TCF4: variants seen among roughly 807,000 people sequenced by gnomAD.
The protein encoded by TCF4 is SL3-3 enhancer factor 2.
A neutral mutation model predicts 82.1 loss-of-function variants in TCF4; 3 were observed. The ratio of observed to expected loss-of-function variants is 0.04; its 90% CI spans 0.02 to 0.09. The LOEUF (loss-of-function observed/expected upper bound fraction) is 0.09, where lower values mean the gene tolerates loss of function less well. Among genes scored for constraint, TCF4 ranks in the 10% least tolerant of loss-of-function variants. The pLI, the probability that TCF4 is intolerant of heterozygous loss-of-function variation, is 1.00. For synonymous variants in TCF4, 276 were observed against 309.6 expected (o/e 0.89, Z 1.14); for missense variants, 518 against 852.7 (o/e 0.61, Z 4.89).
chr18:55,537,226 T>C (rs1486437278), intron 3 of TCF4, among the ~76,000 whole-genome samples: 1 of 151,104 alleles, frequency 6.6e-6, no homozygotes. Flanking sequence ...TTGCAAAAAC[T>C]AAAAACAAGC....
At chr18:55,626,889 C>T (rs1224904603) in intron 2 of TCF4, among the ~76,000 whole-genome samples, 1 of 152,162 alleles carries the variant, frequency 6.6e-6, no homozygotes, top group Non-Finnish European at 1.5e-5. Flanking sequence ...GGGAGAAGCA[C>T]AAATTGTGTA....
chr18:55,497,857 G>GTTT (rs2096654376), intron 3 of TCF4, among the ~76,000 whole-genome samples: 1 of 151,722 alleles, frequency 6.6e-6, no homozygotes, highest in East Asian at 1.9e-4. Flanking sequence ...AAATTGGAAG[G>GTTT]GGAAAAAAAA....
exon 1 of TCF4, chr18:55,635,810 C>G: frequency 2.6e-6 from 4 of 1,554,926 alleles, no homozygotes; most frequent in Non-Finnish European, 3.5e-6. Flanking sequence ...ACTGCACCCT[C>G]CATCTTTGAG....
intron 3 of TCF4, among the ~76,000 whole-genome samples, chr18:55,544,809 C>T (rs187429237): frequency 6.6e-6 from 1 of 152,206 alleles, no homozygotes; most frequent in African/African-American, 2.4e-5. Flanking sequence ...TACGAGTTAA[C>T]TCAAAAGACT....
chr18:55,401,004 G>A (rs774979825), intron 6 of TCF4: 2 of 1,289,102 alleles, frequency 1.6e-6, no homozygotes, highest in Admixed American at 2.3e-5. Flanking sequence ...CACTCACCTT[G>A]TCACACAGTG....
At chr18:55,229,940 T>A (rs973000176) in intron 17 of TCF4, 5 of 152,170 alleles carry the variant, frequency 3.3e-5, no homozygotes, top group African/African-American at 4.8e-5. Flanking sequence ...CTCATGCCTA[T>A]AACCCCAGCC....
chr18:55,538,705 A>T (rs1002504772), intron 3 of TCF4, among the ~76,000 whole-genome samples: 1 of 152,190 alleles, frequency 6.6e-6, no homozygotes, highest in Non-Finnish European at 1.5e-5. Context: ...GCAATGTTAG[A>T]CGTATCTTAG....
intron 3 of TCF4, among the ~76,000 whole-genome samples, chr18:55,571,595 A>G (rs1385986607): frequency 6.6e-6 from 1 of 152,212 alleles, no homozygotes; most frequent in East Asian, 1.9e-4. Context: ...ATAAGATAAA[A>G]TATGTTTTCT....
At chr18:55,587,700 G>A (rs547032952) in intron 1 of TCF4, among the ~76,000 whole-genome samples, 53 of 152,022 alleles carry the variant, frequency 3.5e-4, no homozygotes, top group African/African-American at 1.2e-3. Flanking sequence ...TCCAAAGGGG[G>A]AGGGGTGGGG....
chr18:55,234,353 GA>G, intron 16 of TCF4, 194 bp downstream of exon 16: 1 of 729,340 alleles, frequency 1.4e-6, no homozygotes, highest in Non-Finnish European at 2.2e-6. Flanking sequence ...GATGTTTGAG[GA>G]AAACAGTCCC....
intron 8 of TCF4, chr18:55,321,565 C>T (rs1226437857): frequency 4.1e-6 from 6 of 1,471,512 alleles, no homozygotes; most frequent in Non-Finnish European, 5.5e-6. Context: ...CAGGAAGGTG[C>T]GGCAGTCCTG....
intron 6 of TCF4, among the ~76,000 whole-genome samples, chr18:55,396,374 T>C (rs1268310155): frequency 6.6e-6 from 1 of 152,198 alleles, no homozygotes; most frequent in Non-Finnish European, 1.5e-5. Context: ...TCAGGCTTCC[T>C]TTAGATTAAG....
intron 5 of TCF4, among the ~76,000 whole-genome samples, chr18:55,450,698 T>C (rs573981074): frequency 5.3e-5 from 8 of 152,152 alleles, no homozygotes; most frequent in Non-Finnish European, 1.0e-4. Context: ...CAAGCATCTG[T>C]GGAGAAGAAA....
intron 3 of TCF4, among the ~76,000 whole-genome samples, chr18:55,536,380 C>A (rs557780885): frequency 1.3e-5 from 2 of 152,208 alleles, no homozygotes; most frequent in South Asian, 2.1e-4. Flanking sequence ...CCTCTTTAAA[C>A]CTCTTTCAGC....
At chr18:55,356,001 T>C (rs549977325) in intron 6 of TCF4, among the ~76,000 whole-genome samples, 1 of 152,230 alleles carries the variant, frequency 6.6e-6, no homozygotes, top group Admixed American at 6.5e-5. Context: ...GGGGGTGAGT[T>C]ATGCAACTGC....
intron 15 of TCF4, among the ~76,000 whole-genome samples, chr18:55,250,068 T>C (rs2054552175): frequency 2.6e-5 from 4 of 152,186 alleles, no homozygotes; most frequent in African/African-American, 9.7e-5. Flanking sequence ...AGTTTCTAAC[T>C]AGGGTAGTGA....
chr18:55,291,023 T>C (rs1345964559), intron 8 of TCF4, among the ~76,000 whole-genome samples: 2 of 152,200 alleles, frequency 1.3e-5, no homozygotes, highest in East Asian at 3.8e-4. Flanking sequence ...ACTTTTCTCA[T>C]CCATTATCTT....
At chr18:55,626,993 G>C (rs1037008741) in intron 2 of TCF4, among the ~76,000 whole-genome samples, 1 of 152,088 alleles carries the variant, frequency 6.6e-6, no homozygotes, top group Non-Finnish European at 1.5e-5. Flanking sequence ...AAAATATACT[G>C]ACCCTTTCTT....
At chr18:55,605,514 C>G (rs2097701436) in intron 2 of TCF4, among the ~76,000 whole-genome samples, 1 of 152,138 alleles carries the variant, frequency 6.6e-6, no homozygotes, top group Non-Finnish European at 1.5e-5. Flanking sequence ...GAGTAAACTC[C>G]TGAGATATAT....
Sources: allele counts gnomAD v4.1 joint callset (sites outside exome capture counted in the v4.1 genomes callset), GRCh38; gene constraint gnomAD v4.1.1; transcripts MANE v1.5; gene names NCBI Gene and HGNC (gene_info 2026-07-23, HGNC 2026-07-21).